The following MEMO1 variants were observed in gnomAD, a reference collection of about 807,000 sequenced individuals.
MEMO1 encodes the protein mediator of cell motility 1, also known as protein MEMO1.
MEMO1 carries 6 observed loss-of-function variants against 45.2 expected under a neutral mutation model. The observed-to-expected ratio is 0.13, with a 90% CI of 0.07 to 0.26. The LOEUF (loss-of-function observed/expected upper bound fraction) is 0.26, where lower values mean the gene tolerates loss of function less well. Among genes scored for constraint, MEMO1 ranks in the 10% least tolerant of loss-of-function variants. The probability of loss-of-function intolerance (pLI) is 1.00; values close to 1 mark genes in which losing one functional copy is unlikely to be tolerated. For synonymous variants in MEMO1, 78 were observed against 124.3 expected (o/e 0.63, Z 2.48); for missense variants, 184 against 370.5 (o/e 0.50, Z 4.13).
intron 6 of MEMO1, among the ~76,000 whole-genome samples, chr2:31,906,074 A>T (rs1242125119): frequency 6.7e-6 from 1 of 150,262 alleles, no homozygotes; most frequent in Non-Finnish European, 1.5e-5. Context: ...CTGGGTTCAC[A>T]CAATTCTCCT....
At chr2:31,941,545 G>A (rs754915611) in intron 3 of MEMO1, among the ~76,000 whole-genome samples, 2 of 152,106 alleles carry the variant, frequency 1.3e-5, no homozygotes, top group Non-Finnish European at 2.9e-5. Flanking sequence ...CACAAGAGTG[G>A]CAACTTTGAT....
At chr2:31,986,103 T>C (rs1224225342) in intron 2 of MEMO1, among the ~76,000 whole-genome samples, 1 of 151,988 alleles carries the variant, frequency 6.6e-6, no homozygotes. Flanking sequence ...TAAATTTAAA[T>C]ATAACTGTTG....
intron 2 of MEMO1, among the ~76,000 whole-genome samples, chr2:31,956,186 A>G (rs1667391905): frequency 6.6e-6 from 1 of 152,176 alleles, no homozygotes; most frequent in South Asian, 2.1e-4. Context: ...GGAGTTTACA[A>G]TTAGTCAGTA....
chr2:31,952,368 T>C lies in MEMO1; in HGVS notation c.62-8985A>G, dbSNP rs140205620. Reference sequence around the variant, plus strand: ...AGTGTGTACCAACCACCTCTTAGATTTGGCCAACTGGAAATCACTTACTAC... The same window carrying C: ...AGTGTGTACCAACCACCTCTTAGATCTGGCCAACTGGAAATCACTTACTAC... On this transcript the variant is annotated intron_variant, in intron 2 of 9. Transcript: ENST00000404530. 4.6e-3 allele frequency among the ~76,000 whole-genome samples: 704 copies of C among 152,336 alleles called. 2 individuals carry two copies. The highest frequency in any genetic ancestry group is 7.9e-3 in the Non-Finnish European group (537 of 68,036).
At chr2:31,969,593 GTGT>G (rs1558542049) in intron 2 of MEMO1, among the ~76,000 whole-genome samples, 6 of 68,862 alleles carry the variant, frequency 8.7e-5, no homozygotes, top group African/African-American at 1.7e-4. Flanking sequence ...GTGGGTGTGT[GTGT>G]GTGTGTGTGT....
chr2:31,870,512 G>A (rs746958742), intron 8 of MEMO1, among the ~76,000 whole-genome samples: 11 of 152,150 alleles, frequency 7.2e-5, no homozygotes, highest in Non-Finnish European at 1.2e-4. Context: ...AAAATGACAC[G>A]AACTAAGAAA....
At chr2:31,930,847 C>CG (rs1664080218) in intron 4 of MEMO1, among the ~76,000 whole-genome samples, 1 of 132,508 alleles carries the variant, frequency 7.5e-6, no homozygotes, top group Non-Finnish European at 1.5e-5. Flanking sequence ...TTAGTAGAGA[C>CG]GGGGTTTCAC....
chr2:31,914,977 A>G (rs1056097092), intron 6 of MEMO1, among the ~76,000 whole-genome samples: 1 of 150,774 alleles, frequency 6.6e-6, no homozygotes, highest in African/African-American at 2.4e-5. Flanking sequence ...AAAAAAAAAA[A>G]AAAAAGAGGC....
At position 31,892,067 on chromosome 2, in the gene MEMO1, A is replaced by C. The variant is rs1257678998; in HGVS notation, c.505T>G (p.Phe169Val). ...AGATATTTACTGAAGAGTTTTCCGA[A>C]TTCCTGTTCTTTTGACTCACTCAGA... Reference protein sequence around the residue: ...GALSESKEQEFGKLFSKYLAD... With the variant: ...GALSESKEQEVGKLFSKYLAD... Residue 169 changes from phenylalanine (F) to valine (V), a missense_variant, in exon 7 of 10, where the codon TTC becomes GTC. Physicochemically the swap from Phe to Val is conservative, Grantham distance 50. This residue lies in a region of MEMO1 where 97 missense variants were observed against 209.3 expected (regional missense o/e 0.46). Transcript: ENST00000404530. 1 of 1,612,776 alleles carries C rather than the reference A, an allele frequency of 6.2e-7. No individual in the cohort carries two copies.
intron 6 of MEMO1, among the ~76,000 whole-genome samples, chr2:31,915,930 T>C (rs1047089075): frequency 6.6e-6 from 1 of 152,176 alleles, no homozygotes; most frequent in African/African-American, 2.4e-5. Flanking sequence ...AGAGGTTTTG[T>C]TACTTAGTAA....
intron 2 of MEMO1, among the ~76,000 whole-genome samples, chr2:31,944,611 T>C (rs1572762996): frequency 6.6e-6 from 1 of 152,192 alleles, no homozygotes; most frequent in African/African-American, 2.4e-5. Flanking sequence ...GATCCCATTA[T>C]TTTTTTCTTT....
intron 6 of MEMO1, among the ~76,000 whole-genome samples, chr2:31,901,589 A>G (rs372664016): frequency 1.3e-5 from 2 of 152,006 alleles, no homozygotes; most frequent in African/African-American, 4.8e-5. Flanking sequence ...TCAAATGAAC[A>G]CCAGGTTTCT....
intron 2 of MEMO1, among the ~76,000 whole-genome samples, chr2:31,973,337 C>T (rs1224828434): frequency 6.6e-6 from 1 of 151,944 alleles, no homozygotes; most frequent in African/African-American, 2.4e-5. Flanking sequence ...GCCTGTAATC[C>T]CAGCTACTTG....
chr2:31,917,342 T>C (rs151228962), intron 6 of MEMO1, among the ~76,000 whole-genome samples: 4 of 152,282 alleles, frequency 2.6e-5, no homozygotes, highest in African/African-American at 9.6e-5. Flanking sequence ...AAATACATAA[T>C]AACTACTATG....
intron 2 of MEMO1, among the ~76,000 whole-genome samples, chr2:31,977,990 G>A (rs1474180586): frequency 6.6e-6 from 1 of 152,128 alleles, no homozygotes; most frequent in Non-Finnish European, 1.5e-5. Context: ...ATGACATGGT[G>A]ATTAAGAGCT....
At chr2:31,938,579 T>A (rs1007170453) in intron 3 of MEMO1, among the ~76,000 whole-genome samples, 5 of 151,524 alleles carry the variant, frequency 3.3e-5, no homozygotes, top group Non-Finnish European at 5.9e-5. Flanking sequence ...ACCCGGCAGG[T>A]GGAGCTTGCA....
intron 2 of MEMO1, among the ~76,000 whole-genome samples, chr2:31,973,780 C>G (rs949675186): frequency 3.9e-5 from 6 of 151,994 alleles, no homozygotes; most frequent in African/African-American, 1.2e-4. Context: ...TCCATAGAAA[C>G]AGAAAGCAGA....
At chr2:31,881,016 A>G (rs1276586367) in intron 8 of MEMO1, among the ~76,000 whole-genome samples, 2 of 151,522 alleles carry the variant, frequency 1.3e-5, no homozygotes, top group African/African-American at 4.9e-5. Flanking sequence ...AGAGGGAGAC[A>G]CTGTCTCACA....
At chr2:31,927,136 C>T (rs866459110) in intron 4 of MEMO1, among the ~76,000 whole-genome samples, 1 of 151,882 alleles carries the variant, frequency 6.6e-6, no homozygotes, top group Admixed American at 6.6e-5. Context: ...TGAGACCATC[C>T]TGGCCAACAT....
Sources: gnomAD v4.1 joint callset for allele counts (sites outside exome capture counted in the v4.1 genomes callset) on GRCh38, gnomAD v4.1.1 for gene constraint, gnomAD v4.1.1 regional missense constraint, MANE v1.5 for transcripts, NCBI Gene and HGNC (gene_info 2026-07-23, HGNC 2026-07-21) for gene names.